Variants in PARP10 observed in about 807,000 individuals in gnomAD.
PARP10 encodes the protein poly(ADP-ribose) polymerase family member 10.
In PARP10, 56 loss-of-function variants were observed where a neutral mutation model predicts 82.4. The observed-to-expected ratio is 0.68, with a 90% CI of 0.55 to 0.85. The LOEUF is 0.85. PARP10 is among the 40% of genes least tolerant of loss of function. The pLI is 0.00. For missense variants in PARP10, 1,227 were observed against 1,379.4 expected, an observed-to-expected ratio of 0.89 and a Z score of 1.75; for synonymous variants, 576 against 601.1, an observed-to-expected ratio of 0.96 and a Z score of 0.61.
rs782510246 is a variant in PARP10 at position 143,983,807 on chromosome 8, C to T, written c.1782G>A (p.Glu594=). The change falls in exon 8 of 11, where the codon GAG becomes GAA. Residue 594 remains glutamate, a synonymous_variant. Coordinates refer to ENST00000313028, the MANE Select transcript of PARP10 (RefSeq NM_032789.5). The part of the protein sequence containing the change: ...GGDQEDVSLE[E]VRELLATLEG... The stretch of plus-strand genomic sequence containing the variant: ...CCAGGGTGGCCAGCAGTTCTCGGAC[C>T]TCCTCTGGGGGCAGGGAGAGGCCAT... 5.7e-6 allele frequency: 9 copies of T among 1,583,714 alleles called. No homozygotes were observed. The highest frequency in any genetic ancestry group is 7.7e-6 in the Non-Finnish European group (9 of 1,162,666).
At chr8:143,982,553 G>C (rs972323841) in intron 9 of PARP10, among the ~76,000 whole-genome samples, 1 of 152,336 alleles carries the variant, frequency 6.6e-6, no homozygotes, top group East Asian at 1.9e-4. Flanking sequence ...GCAGAAGAGC[G>C]CCCAGAACAG....
chr8:144,001,203 C>T (rs1335322423), intron 1 of PARP10, among the ~76,000 whole-genome samples: 2 of 151,184 alleles, frequency 1.3e-5, no homozygotes, highest in South Asian at 2.1e-4. Context: ...CGTGAGCCAC[C>T]GTGCCTGGCC....
At chr8:144,012,306 G>A (rs1834293790) in intron 1 of PARP10, 1 of 589,436 alleles carries the variant, frequency 1.7e-6, no homozygotes. Context: ...CAAGGCCTGT[G>A]TACAGGCCTG....
At chr8:144,009,627 A>T (rs1459586814) in intron 1 of PARP10, among the ~76,000 whole-genome samples, 2 of 152,156 alleles carry the variant, frequency 1.3e-5, no homozygotes, top group Non-Finnish European at 2.9e-5. Flanking sequence ...GACCTGGAGC[A>T]GTACCCCCTG....
upstream of PARP10, chr8:143,993,016 C>G (rs990062071): frequency 8.1e-6 from 5 of 614,746 alleles, no homozygotes; most frequent in Non-Finnish European, 8.5e-6. Context: ...CATTTGGACC[C>G]GCTGTGGCCA....
upstream of PARP10, among the ~76,000 whole-genome samples, chr8:143,987,702 C>A (rs1281942608): frequency 6.6e-6 from 1 of 152,098 alleles, no homozygotes; most frequent in African/African-American, 2.4e-5. Flanking sequence ...ATCAGCCTGG[C>A]CAACATGGTA....
intron 1 of PARP10, among the ~76,000 whole-genome samples, chr8:144,001,412 A>T (rs1834201805): frequency 1.3e-5 from 2 of 152,132 alleles, no homozygotes; most frequent in African/African-American, 2.4e-5. Flanking sequence ...ATATAAATTT[A>T]ATTCAAAATA....
chr8:144,012,364 G>T (rs919611918), intron 1 of PARP10: 2 of 647,424 alleles, frequency 3.1e-6, no homozygotes, highest in Non-Finnish European at 2.7e-6. Context: ...CAAGGAAGAG[G>T]GCACAGCCTC....
chr8:143,982,252 G>A lies in PARP10; in HGVS notation c.2556+680C>T, dbSNP rs1420513990. ...TGGGAGGCCGAGGCGGGCGGATCAC[G>A]AGGTCAGTAGATCGAGACCATCCTG... On this transcript the variant is annotated intron_variant, in intron 9 of 10. Transcript: ENST00000313028. 2.6e-5 allele frequency among the ~76,000 whole-genome samples: 4 copies of A among 152,086 alleles called. No individual in the cohort carries two copies. The East Asian group carries it at 7.7e-4, about 29-fold the overall frequency.
chr8:144,012,702 G>C lies in PARP10; in HGVS notation c.-252C>G, dbSNP rs536209558. 2.0e-5 allele frequency: 31 copies of C among 1,551,662 alleles called. No individual in the cohort carries two copies. In the East Asian group the frequency reaches 7.6e-4, roughly 38 times the overall value. ...GAGTGGGCTTGGTGAGGCAACAGCAGGCCTTTCCTCACGCCAGAACAATGG... is the reference window on the plus strand; with the variant it reads ...GAGTGGGCTTGGTGAGGCAACAGCACGCCTTTCCTCACGCCAGAACAATGG... On this transcript the variant is annotated 5_prime_UTR_variant, in exon 1 of 4. Transcript: ENST00000530478.
intron 9 of PARP10, among the ~76,000 whole-genome samples, chr8:143,982,195 C>T (rs572843614): frequency 7.2e-5 from 11 of 152,070 alleles, no homozygotes; most frequent in African/African-American, 1.9e-4. Flanking sequence ...CAAGGCCGGG[C>T]GCGGTGGCTC....
chr8:143,984,558 T>C lies in PARP10; in HGVS notation c.1444A>G (p.Met482Val). 3 of 1,611,766 alleles carry C rather than the reference T, an allele frequency of 1.9e-6. No homozygotes were observed. Among genetic ancestry groups the C allele is most frequent in the Non-Finnish European group, 8.5e-7 (1 of 1,178,976 alleles). ...VALLPLEGPD[M>V]TGFRLCGAQA... ...GGGTCACTCACCCGAAAGCCAGTCA[T>C]ATCCGGTCCTTCAAGTGGCAAGAGA... The change falls in exon 5 of 11, where the codon ATG becomes GTG. Residue 482 changes from methionine (M) to valine (V), a missense_variant. Transcript: ENST00000313028.
At chr8:144,001,433 G>A (rs1048808603) in intron 1 of PARP10, among the ~76,000 whole-genome samples, 8 of 152,130 alleles carry the variant, frequency 5.3e-5, no homozygotes, top group Non-Finnish European at 1.0e-4. Flanking sequence ...CAGGCTGGGC[G>A]TGGTGGCTTA....
intron 1 of PARP10, among the ~76,000 whole-genome samples, chr8:144,003,428 CAAA>C (rs782496305): frequency 1.2e-4 from 7 of 56,104 alleles, no homozygotes; most frequent in African/African-American, 3.7e-4. Context: ...AACTCTGTCT[CAAA>C]AAAAAAAAAA....
At chr8:143,991,591 A>G (rs1834098386), upstream of PARP10, 3 of 1,603,748 alleles carry the variant, frequency 1.9e-6, no homozygotes, top group South Asian at 2.2e-5. Context: ...TTCCCAGGAC[A>G]AGACCCTGAC....
At chr8:144,009,535 G>A (rs1036534984) in intron 1 of PARP10, among the ~76,000 whole-genome samples, 3 of 152,092 alleles carry the variant, frequency 2.0e-5, no homozygotes, top group African/African-American at 4.8e-5. Context: ...AACCTCATCC[G>A]CTCATACAGA....
chr8:143,995,834 AG>A (rs1415995786), upstream of PARP10, among the ~76,000 whole-genome samples: 2 of 152,216 alleles, frequency 1.3e-5, no homozygotes, highest in African/African-American at 4.8e-5. Flanking sequence ...CTCTGAACAC[AG>A]ACAAAACATG....
intron 5 of PARP10, 52 bp downstream of exon 5, chr8:143,984,492 T>A: frequency 6.3e-7 from 1 of 1,589,438 alleles, no homozygotes; most frequent in Non-Finnish European, 8.6e-7. Flanking sequence ...GTACTTTGAG[T>A]CCCCAGTAGG....
In PARP10 at chr8:144,009,014, TG is replaced by T. The variant is rs577339352; in HGVS notation, c.-80+3515del. 7.5e-4 allele frequency among the ~76,000 whole-genome samples: 114 copies of T among 152,208 alleles called. 2 individuals are homozygous for T. In the South Asian group the frequency reaches 0.023, roughly 31 times the overall value. On this transcript the variant is annotated intron_variant, in intron 1 of 3. Transcript: ENST00000530478. ...TTTTGAGGGCCTCTACTGTGCACTGTGAGTCTAAGGAGGGGCTGGAAGCAGC... is the reference window on the plus strand; with the variant it reads ...TTTTGAGGGCCTCTACTGTGCACTGTAGTCTAAGGAGGGGCTGGAAGCAGC...
Sources: gnomAD v4.1 joint callset for allele counts (sites outside exome capture counted in the v4.1 genomes callset) on GRCh38, gnomAD v4.1.1 for gene constraint, MANE v1.5 for transcripts, NCBI Gene and HGNC (gene_info 2026-07-23, HGNC 2026-07-21) for gene names.